Variants in SKAP1 observed in about 807,000 individuals in gnomAD.
SKAP1 encodes src kinase associated phosphoprotein 1, also known as src kinase-associated phosphoprotein 1.
Under a neutral mutation model 58.5 loss-of-function variants are expected in SKAP1, and 44 were observed. The observed-to-expected ratio is 0.75, with a 90% CI of 0.59 to 0.97. The LOEUF (loss-of-function observed/expected upper bound fraction) is 0.97, where lower values mean the gene tolerates loss of function less well. Among genes scored for constraint, SKAP1 ranks in the 50% least tolerant of loss-of-function variants. The probability of loss-of-function intolerance (pLI) is 0.00; values close to 1 mark genes in which losing one functional copy is unlikely to be tolerated. For synonymous variants in SKAP1, 127 were observed against 149.7 expected (o/e 0.85, Z 1.11); for missense variants, 390 against 435.2 (o/e 0.90, Z 0.92).
intron 4 of SKAP1, among the ~76,000 whole-genome samples, chr17:48,269,319 A>C (rs1325240361): frequency 6.6e-6 from 1 of 152,210 alleles, no homozygotes; most frequent in South Asian, 2.1e-4. Flanking sequence ...AAAAAAAACA[A>C]AAAATAACTT....
At chr17:48,258,343 G>A (rs1293817284) in intron 4 of SKAP1, among the ~76,000 whole-genome samples, 1 of 152,018 alleles carries the variant, frequency 6.6e-6, no homozygotes, top group African/African-American at 2.4e-5. Flanking sequence ...AACTCACCTG[G>A]TTTCTATATT....
chr17:48,159,656 G>A (rs1017037687), intron 11 of SKAP1, among the ~76,000 whole-genome samples: 16 of 152,134 alleles, frequency 1.1e-4, no homozygotes, highest in Admixed American at 1.0e-3. Context: ...CAGAGATGAG[G>A]CACTACTGAA....
chr17:48,172,675 G>A (rs1226092342), intron 9 of SKAP1, among the ~76,000 whole-genome samples: 2 of 152,068 alleles, frequency 1.3e-5, no homozygotes, highest in Non-Finnish European at 2.9e-5. Flanking sequence ...AATGACATTT[G>A]CTTGTCTTGC....
intron 9 of SKAP1, among the ~76,000 whole-genome samples, chr17:48,178,652 C>T (rs73320857): frequency 1.9e-3 from 284 of 152,244 alleles, no homozygotes; most frequent in African/African-American, 6.5e-3. Context: ...ACAATCCTAT[C>T]GAATTCTGCC....
chr17:48,439,864 G>A, the SKAP1 span, among the ~76,000 whole-genome samples: 4 of 152,168 alleles, frequency 2.6e-5, no homozygotes, highest in Non-Finnish European at 4.4e-5. Flanking sequence ...TTCTGACAAT[G>A]TTGGGGCCCT....
intron 1 of SKAP1, among the ~76,000 whole-genome samples, chr17:48,429,556 G>A (rs1464560350): frequency 5.9e-5 from 9 of 152,166 alleles, no homozygotes; most frequent in African/African-American, 2.4e-5. Flanking sequence ...TAAAGGGAGG[G>A]CTGGGGTTTT....
intron 4 of SKAP1, among the ~76,000 whole-genome samples, chr17:48,242,769 A>G (rs1410579547): frequency 2.0e-5 from 3 of 152,340 alleles, no homozygotes; most frequent in Middle Eastern, 3.4e-3. Flanking sequence ...GTAGTGCAAA[A>G]GAAGGTCTTA....
At chr17:48,260,844 A>G (rs1383978304) in intron 4 of SKAP1, among the ~76,000 whole-genome samples, 2 of 152,184 alleles carry the variant, frequency 1.3e-5, no homozygotes, top group Non-Finnish European at 2.9e-5. Flanking sequence ...GTTTAACAAC[A>G]AAGGCAACCA....
Position 48,430,133 on chromosome 17 carries a change from G to T in SKAP1, c.-13C>A, listed in dbSNP as rs1247939347. On this transcript the variant is annotated 5_prime_UTR_variant, in exon 1 of 13. Transcript: ENST00000336915. ...CGGCGGCCTGCATTTGGCTGGGCGG[G>T]AGAGAGGCGGGACGGGGCGCGGGCC... The T allele has an allele frequency of 2.4e-6, 3 of 1,259,850 alleles. No individual in the cohort carries two copies. The highest frequency in any genetic ancestry group is 3.0e-6 in the Non-Finnish European group (3 of 995,234). 78.0% of individuals were successfully genotyped at this position (1,259,850 alleles called of 1,614,324 possible).
At chr17:48,203,199 C>A (rs1360487192) in intron 4 of SKAP1, among the ~76,000 whole-genome samples, 1 of 152,230 alleles carries the variant, frequency 6.6e-6, no homozygotes, top group Non-Finnish European at 1.5e-5. Context: ...CCTTTCCTGT[C>A]CGTGCACAGG....
chr17:48,254,185 C>T (rs1439470106), intron 4 of SKAP1, among the ~76,000 whole-genome samples: 3 of 152,138 alleles, frequency 2.0e-5, no homozygotes, highest in African/African-American at 4.8e-5. Context: ...CTCTCTCACT[C>T]GGCTATAAAA....
chr17:48,260,401 G>A (rs1359514827), intron 4 of SKAP1, among the ~76,000 whole-genome samples: 1 of 152,078 alleles, frequency 6.6e-6, no homozygotes, highest in Admixed American at 6.6e-5. Context: ...AAACAATGTA[G>A]ACATATTTAA....
At position 48,346,817 on chromosome 17, in the gene SKAP1, T is replaced by G. The variant is rs1315360066; in HGVS notation, c.179-811A>C. On this transcript the variant is annotated intron_variant, in intron 3 of 12. Coordinates refer to ENST00000336915, the MANE Select transcript of SKAP1 (RefSeq NM_003726.4). Reference sequence around the variant, plus strand: ...AAGTATTATAAAAATAGAGAAAACCTAGACTTTGCTGGACTGTATTCCTAT... The same window carrying G: ...AAGTATTATAAAAATAGAGAAAACCGAGACTTTGCTGGACTGTATTCCTAT... Among the ~76,000 whole-genome samples, 43 of 152,238 alleles carry G rather than the reference T, an allele frequency of 2.8e-4. 1 individual carries two copies. The highest frequency in any genetic ancestry group is 1.5e-5 in the Non-Finnish European group (1 of 68,010).
intron 2 of SKAP1, among the ~76,000 whole-genome samples, chr17:48,388,967 T>C (rs754707220): frequency 7.9e-5 from 12 of 152,210 alleles, no homozygotes; most frequent in Non-Finnish European, 1.6e-4. Flanking sequence ...AAATAGCTAA[T>C]TGGAGATTAT....
chr17:48,304,691 T>G (rs990687789), intron 4 of SKAP1, among the ~76,000 whole-genome samples: 1 of 152,200 alleles, frequency 6.6e-6, no homozygotes, highest in African/African-American at 2.4e-5. Context: ...ATACTTTAGA[T>G]GTAGTATTTG....
intron 4 of SKAP1, among the ~76,000 whole-genome samples, chr17:48,264,497 T>C (rs1268403837): frequency 7.9e-5 from 12 of 152,196 alleles, no homozygotes; most frequent in African/African-American, 2.9e-4. Context: ...TTGGTCTTAT[T>C]ATTCTTATAA....
At chr17:48,371,702 G>C (rs1427893461) in intron 2 of SKAP1, among the ~76,000 whole-genome samples, 1 of 138,674 alleles carries the variant, frequency 7.2e-6, no homozygotes, top group African/African-American at 2.7e-5. Flanking sequence ...GCATGGTGGT[G>C]CATGCATGCC....
chr17:48,344,112 A>G (rs2066691587), intron 4 of SKAP1: 1 of 154,892 alleles, frequency 6.5e-6, no homozygotes. Context: ...TTAATTTATT[A>G]AGGTACTGAG....
intron 11 of SKAP1, among the ~76,000 whole-genome samples, chr17:48,150,970 G>C (rs2063895839): frequency 6.6e-6 from 1 of 151,562 alleles, no homozygotes. Context: ...TTCACAGCCA[G>C]AAGACTTAGG....
Sources: allele counts gnomAD v4.1 joint callset (sites outside exome capture counted in the v4.1 genomes callset), GRCh38; gene constraint gnomAD v4.1.1; transcripts MANE v1.5; gene names NCBI Gene and HGNC (gene_info 2026-07-23, HGNC 2026-07-21).